The following GPM6A variants were observed in gnomAD, a reference collection of about 807,000 sequenced individuals.
GPM6A encodes neuronal membrane glycoprotein M6-a.
Under a neutral mutation model 32.1 loss-of-function variants are expected in GPM6A, and 7 were observed. The ratio of observed to expected loss-of-function variants is 0.22; its 90% CI spans 0.12 to 0.41. The LOEUF (loss-of-function observed/expected upper bound fraction) is 0.41. GPM6A is among the 10% of genes least tolerant of loss of function. GPM6A has a pLI of 1.00. For missense variants in GPM6A, 235 were observed against 347.2 expected (o/e 0.68, Z 2.57); for synonymous variants, 130 against 123.4 (o/e 1.05, Z -0.35).
intron 1 of GPM6A, among the ~76,000 whole-genome samples, chr4:175,742,886 C>A (rs1434253092): frequency 6.6e-6 from 1 of 151,950 alleles, no homozygotes; most frequent in East Asian, 1.9e-4. Context: ...GTGGCTCATG[C>A]CTGTAATCCC....
At chr4:175,682,798 G>T (rs1313980991) in intron 2 of GPM6A, among the ~76,000 whole-genome samples, 1 of 152,218 alleles carries the variant, frequency 6.6e-6, no homozygotes, top group Non-Finnish European at 1.5e-5. Flanking sequence ...ACACTTGGCA[G>T]CCCCTGCCTA....
At chr4:175,892,307 A>C (rs1465696514) in intron 1 of GPM6A, among the ~76,000 whole-genome samples, 1 of 152,090 alleles carries the variant, frequency 6.6e-6, no homozygotes, top group African/African-American at 2.4e-5. Context: ...ATCTAGAAAA[A>C]CAATCTGCTA....
At chr4:175,972,717 C>T (rs539136615) in intron 1 of GPM6A, among the ~76,000 whole-genome samples, 58 of 152,172 alleles carry the variant, frequency 3.8e-4, no homozygotes, top group African/African-American at 1.4e-3. Context: ...ATGTGAATAC[C>T]TCTGCTTGAT....
chr4:175,803,164 T>TTCATCATCATCATCA (rs5864348), intron 1 of GPM6A, among the ~76,000 whole-genome samples: 3 of 145,508 alleles, frequency 2.1e-5, no homozygotes, highest in African/African-American at 7.6e-5. Flanking sequence ...CTGTTCTCGT[T>TTCATCATCATCATCA]TCATCATCAT....
Position 175,749,956 on chromosome 4 carries a change from G to A in GPM6A, c.38-48189C>T, listed in dbSNP as rs538743895. The stretch of plus-strand genomic sequence containing the variant: ...TCCTGCCATTTCACACTTGGCCTAT[G>A]TGCAATGTTCCCAAAGCTTTAGCCA... On this transcript the variant is annotated intron_variant, in intron 1 of 6. Coordinates refer to ENST00000393658, the MANE Select transcript of GPM6A (RefSeq NM_201591.3). Among the ~76,000 whole-genome samples, 14 of 152,244 alleles carry A rather than the reference G, an allele frequency of 9.2e-5. No homozygotes were observed. The South Asian group carries it at 2.5e-3, about 27-fold the overall frequency.
At chr4:175,767,419 C>T (rs1417104513) in intron 1 of GPM6A, among the ~76,000 whole-genome samples, 1 of 152,160 alleles carries the variant, frequency 6.6e-6, no homozygotes, top group Non-Finnish European at 1.5e-5. Context: ...GCACTATGTA[C>T]AGCAAATCTT....
intron 1 of GPM6A, among the ~76,000 whole-genome samples, chr4:175,975,881 G>T (rs1453497896): frequency 1.3e-5 from 2 of 151,974 alleles, no homozygotes; most frequent in East Asian, 3.9e-4. Flanking sequence ...AAGGTGCTGA[G>T]GTCATTTTAA....
At chr4:175,638,115 C>T (rs1579327029) in intron 6 of GPM6A, among the ~76,000 whole-genome samples, 1 of 150,094 alleles carries the variant, frequency 6.7e-6, no homozygotes, top group East Asian at 2.0e-4. Flanking sequence ...CCTAACTTCT[C>T]TACAAATAAT....
chr4:175,998,494 A>T (rs940668832), intron 1 of GPM6A, among the ~76,000 whole-genome samples: 1 of 152,196 alleles, frequency 6.6e-6, no homozygotes, highest in African/African-American at 2.4e-5. Flanking sequence ...ATATGAAATT[A>T]ATTTCTTGTC....
chr4:175,933,141 T>A (rs1739106739), intron 1 of GPM6A, among the ~76,000 whole-genome samples: 1 of 151,224 alleles, frequency 6.6e-6, no homozygotes, highest in South Asian at 2.1e-4. Flanking sequence ...AACCAACAAC[T>A]CCATTAAAAA....
At chr4:175,987,367 A>G (rs1218598527) in intron 1 of GPM6A, among the ~76,000 whole-genome samples, 1 of 152,186 alleles carries the variant, frequency 6.6e-6, no homozygotes, top group Non-Finnish European at 1.5e-5. Flanking sequence ...CTAAGAAAAC[A>G]CATGACTACA....
At chr4:175,764,642 A>G (rs1389836038) in intron 1 of GPM6A, among the ~76,000 whole-genome samples, 1 of 152,114 alleles carries the variant, frequency 6.6e-6, no homozygotes, top group Non-Finnish European at 1.5e-5. Flanking sequence ...TATATCCTCA[A>G]TGAACTATGA....
intron 1 of GPM6A, among the ~76,000 whole-genome samples, chr4:175,921,106 C>T (rs10032414): frequency 0.038 from 5,712 of 152,116 alleles, 379 homozygotes; most frequent in African/African-American, 0.13. Context: ...TTTCACATTA[C>T]TTGGAATTTC....
At chr4:175,941,667 T>C (rs1236781516) in intron 1 of GPM6A, among the ~76,000 whole-genome samples, 1 of 152,190 alleles carries the variant, frequency 6.6e-6, no homozygotes. Context: ...CCTGTGTTAG[T>C]TTGCTGAGAA....
chr4:175,726,147 C>A (rs1232055312), intron 1 of GPM6A, among the ~76,000 whole-genome samples: 10 of 132,290 alleles, frequency 7.6e-5, no homozygotes, highest in African/African-American at 2.8e-4. Flanking sequence ...TGCCCACCAC[C>A]ACGACCAGCT....
intron 1 of GPM6A, among the ~76,000 whole-genome samples, chr4:175,925,335 C>T (rs1045750131): frequency 5.3e-5 from 8 of 152,082 alleles, no homozygotes; most frequent in East Asian, 1.9e-4. Flanking sequence ...TGTGAACATA[C>T]GAAGAGCTAT....
intron 2 of GPM6A, among the ~76,000 whole-genome samples, chr4:175,694,290 G>GT (rs1218609010): frequency 6.6e-6 from 1 of 152,192 alleles, no homozygotes. Flanking sequence ...GGCAGAGCCT[G>GT]TAACAGTTTG....
chr4:175,791,001 G>C (rs1733991353), intron 1 of GPM6A, among the ~76,000 whole-genome samples: 1 of 152,026 alleles, frequency 6.6e-6, no homozygotes, highest in African/African-American at 2.4e-5. Context: ...ATGAGAGAGA[G>C]AGAATAAAGA....
At chr4:175,862,671 A>G (rs1442032768) in intron 1 of GPM6A, among the ~76,000 whole-genome samples, 1 of 152,112 alleles carries the variant, frequency 6.6e-6, no homozygotes, top group Non-Finnish European at 1.5e-5. Context: ...TAACCAATCT[A>G]AATCCCCATC....
Sources: gnomAD v4.1 joint callset for allele counts (sites outside exome capture counted in the v4.1 genomes callset) on GRCh38, gnomAD v4.1.1 for gene constraint, MANE v1.5 for transcripts, NCBI Gene and HGNC (gene_info 2026-07-23, HGNC 2026-07-21) for gene names.